PPP1R12B: variants seen among roughly 807,000 people sequenced by gnomAD.
PPP1R12B encodes myosin phosphatase target subunit 2.
In PPP1R12B, 76 loss-of-function variants were observed where a neutral mutation model predicts 126.1. The ratio of observed to expected loss-of-function variants is 0.60; its 90% CI spans 0.50 to 0.73. The LOEUF is 0.73. Ranked by LOEUF, PPP1R12B falls within the 30% of genes least tolerant of loss-of-function variation. The probability of loss-of-function intolerance (pLI) is 0.00; values close to 1 mark genes in which losing one functional copy is unlikely to be tolerated. For missense variants in PPP1R12B, 1,052 were observed against 1,205.1 expected, an observed-to-expected ratio of 0.87 and a Z score of 1.88; for synonymous variants, 356 against 434.7, an observed-to-expected ratio of 0.82 and a Z score of 2.25.
chr1:202,575,986 A>G (rs1368874895), intron 23 of PPP1R12B: 1 of 152,238 alleles, frequency 6.6e-6, no homozygotes, highest in Non-Finnish European at 1.5e-5. Flanking sequence ...CTCCTTCTGC[A>G]GTAGTCTTTG....
intron 10 of PPP1R12B, chr1:202,439,244 T>G: frequency 7.2e-7 from 1 of 1,387,594 alleles, no homozygotes; most frequent in Non-Finnish European, 1.0e-6. Flanking sequence ...ATCCAGACAA[T>G]ATCAAGGCTG....
chr1:202,521,511 A>G (rs1359187478), intron 18 of PPP1R12B, among the ~76,000 whole-genome samples: 1 of 152,220 alleles, frequency 6.6e-6, no homozygotes, highest in Non-Finnish European at 1.5e-5. Flanking sequence ...ACAAGAAGAG[A>G]AAGCTGTGAG....
At chr1:202,483,648 T>C (rs1456156149) in intron 13 of PPP1R12B, among the ~76,000 whole-genome samples, 2 of 152,028 alleles carry the variant, frequency 1.3e-5, no homozygotes, top group Non-Finnish European at 2.9e-5. Flanking sequence ...AAATGGAGAA[T>C]AGAGAATAAG....
At chr1:202,487,934 A>T (rs984548277) in intron 13 of PPP1R12B, among the ~76,000 whole-genome samples, 7 of 152,174 alleles carry the variant, frequency 4.6e-5, no homozygotes, top group African/African-American at 1.4e-4. Context: ...GGATGACTGA[A>T]CCTACAGATA....
intron 14 of PPP1R12B, among the ~76,000 whole-genome samples, chr1:202,492,393 T>C (rs1007582125): frequency 1.3e-5 from 2 of 152,208 alleles, no homozygotes; most frequent in Admixed American, 1.3e-4. Flanking sequence ...ATCAACTAAC[T>C]ACCTTCCAGC....
At chr1:202,365,315 G>A (rs536498136) in intron 1 of PPP1R12B, among the ~76,000 whole-genome samples, 1 of 152,098 alleles carries the variant, frequency 6.6e-6, no homozygotes, top group East Asian at 1.9e-4. Flanking sequence ...AATTGTGGTC[G>A]CCTGCAGTTG....
Position 202,582,012 on chromosome 1 carries a change from A to G in PPP1R12B, c.*1452A>G, listed in dbSNP as rs767910875. The G allele has an allele frequency of 1.3e-5, 2 of 152,162 alleles. No individual in the cohort carries two copies. Among genetic ancestry groups the G allele is most frequent in the African/African-American group, 2.4e-5 (1 of 41,444 alleles). The allele number at this position is 152,162 out of a possible 1,614,324, so 9.4% of individuals were successfully genotyped here. A position where few individuals can be genotyped will look rare whatever the true frequency, so the allele number is the denominator to read the frequency against. On this transcript the variant is annotated 3_prime_UTR_variant, in exon 24 of 24. Transcript: ENST00000608999. ...CATGGTCAGGTAGCCTCTGGTGGCT[A>G]TGCATTTATTACTCAAAAGTTGGGC...
chr1:202,445,297 T>C lies in PPP1R12B; in HGVS notation c.1667+2725T>C, dbSNP rs545544324. On this transcript the variant is annotated intron_variant, in intron 12 of 23. Transcript: ENST00000608999. Reference sequence around the variant, plus strand: ...ATGGCTCTGAAAACACATATGAAATTTGAACCAAAGAGACTTTATCACTAT... The same window carrying C: ...ATGGCTCTGAAAACACATATGAAATCTGAACCAAAGAGACTTTATCACTAT... 210 of 1,166,634 alleles carry C rather than the reference T, an allele frequency of 1.8e-4. No homozygotes were observed. In the African/African-American group the frequency reaches 2.4e-3, roughly 14 times the overall value. The allele number at this position is 1,166,634 out of a possible 1,614,324, so 72.3% of individuals were successfully genotyped here.
In PPP1R12B at chr1:202,508,911, A is replaced by G. The variant is rs560210722; in HGVS notation, c.2490+12089A>G. On this transcript the variant is annotated intron_variant, in intron 18 of 23. Coordinates refer to ENST00000608999, the MANE Select transcript of PPP1R12B (RefSeq NM_002481.4). This position sits in a 1 kb window ranked among gnomAD's most constrained non-coding sequence, Gnocchi z 4.5. ...CTTTTTATGAAAAGGGCCTGATAGT[A>G]AATATTTTCCACTTTACTGGCCACG... Among the ~76,000 whole-genome samples the G allele has an allele frequency of 6.6e-6, 1 of 152,364 alleles. No individual in the cohort carries two copies. Among genetic ancestry groups the G allele is most frequent in the Non-Finnish European group, 1.5e-5 (1 of 68,034 alleles).
intron 1 of PPP1R12B, among the ~76,000 whole-genome samples, chr1:202,381,062 A>C (rs1207224439): frequency 1.3e-5 from 2 of 152,202 alleles, no homozygotes; most frequent in Non-Finnish European, 2.9e-5. Context: ...CGGGATTTTT[A>C]TACATATACA....
chr1:202,425,688 C>A lies in PPP1R12B; in HGVS notation c.664C>A (p.His222Asn). The A allele has an allele frequency of 1.2e-6, 2 of 1,613,920 alleles. No individual in the cohort carries two copies. The highest frequency in any genetic ancestry group is 1.7e-6 in the Non-Finnish European group (2 of 1,179,850). The change falls in exon 4 of 24, where the codon CAT becomes AAT. Residue 222 changes from histidine to asparagine, a missense_variant. Physicochemically the swap from His to Asn is moderately conservative, Grantham distance 68. Coordinates refer to ENST00000608999, the MANE Select transcript of PPP1R12B (RefSeq NM_002481.4). ...RQARSGATAL[H>N]VAAAKGYSEV... is the part of the protein sequence containing the mutation. ...GGCTCGCTCAGGGGCTACAGCCCTT[C>A]ATGTGGCTGCTGCCAAGGGCTACTC...
At chr1:202,452,521 G>A (rs1005807742) in intron 13 of PPP1R12B, among the ~76,000 whole-genome samples, 1 of 152,118 alleles carries the variant, frequency 6.6e-6, no homozygotes, top group Non-Finnish European at 1.5e-5. Context: ...CTTCGGCTTG[G>A]CATCAGAGGG....
intron 18 of PPP1R12B, among the ~76,000 whole-genome samples, chr1:202,542,847 C>G (rs1417962919): frequency 2.0e-5 from 3 of 152,164 alleles, no homozygotes; most frequent in Non-Finnish European, 2.9e-5. Context: ...CAGGACAGCT[C>G]TCTTACTGTC....
intron 9 of PPP1R12B, 135 bp downstream of exon 9, chr1:202,434,903 A>G (rs886409402): frequency 5.0e-6 from 7 of 1,412,520 alleles, no homozygotes; most frequent in African/African-American, 3.0e-5. Flanking sequence ...TCCCATAACA[A>G]AAAACACAGG....
At chr1:202,399,077 T>C (rs1415044216) in intron 1 of PPP1R12B, among the ~76,000 whole-genome samples, 2 of 152,206 alleles carry the variant, frequency 1.3e-5, no homozygotes, top group African/African-American at 4.8e-5. Context: ...AGATATCTGC[T>C]ACCAACTAAT....
intron 13 of PPP1R12B, among the ~76,000 whole-genome samples, chr1:202,466,736 A>G (rs1675041925): frequency 6.6e-6 from 1 of 152,132 alleles, no homozygotes; most frequent in South Asian, 2.1e-4. Flanking sequence ...ATCTATTTAA[A>G]GTATTGTTAT....
intron 1 of PPP1R12B, among the ~76,000 whole-genome samples, chr1:202,383,787 C>G (rs2049686): frequency 6.6e-6 from 1 of 152,130 alleles, no homozygotes; most frequent in Non-Finnish European, 1.5e-5. Flanking sequence ...TTGATATACA[C>G]AGCACCTATT....
chr1:202,367,200 C>T (rs917175194), intron 1 of PPP1R12B, among the ~76,000 whole-genome samples: 12 of 152,054 alleles, frequency 7.9e-5, no homozygotes, highest in African/African-American at 2.9e-4. Flanking sequence ...TTAGCTCTAA[C>T]GTATTGATAG....
chr1:202,538,980 C>T (rs537774620), intron 18 of PPP1R12B, among the ~76,000 whole-genome samples: 2 of 152,242 alleles, frequency 1.3e-5, no homozygotes, highest in South Asian at 2.1e-4. Context: ...ACTTACAGAT[C>T]CAGCCAGTAA....
Sources: gnomAD v4.1 joint callset for allele counts (sites outside exome capture counted in the v4.1 genomes callset) on GRCh38, gnomAD v4.1.1 for gene constraint, Gnocchi (gnomAD v3.1) non-coding constraint, MANE v1.5 for transcripts, NCBI Gene and HGNC (gene_info 2026-07-23, HGNC 2026-07-21) for gene names.